The following ST18 variants were observed in gnomAD, a reference collection of about 807,000 sequenced individuals.
ST18 encodes the protein suppression of tumorigenicity 18 protein.
ST18 carries 50 observed loss-of-function variants against 110.0 expected under a neutral mutation model. That is an observed-to-expected ratio of 0.45 (90% CI 0.36 to 0.58). ST18 has a LOEUF of 0.58. Ranked by LOEUF, ST18 falls within the 20% of genes least tolerant of loss-of-function variation. The probability of loss-of-function intolerance (pLI) is 0.00; values close to 1 mark genes in which losing one functional copy is unlikely to be tolerated. For missense variants in ST18, 1,306 were observed against 1,280.1 expected (o/e 1.02, Z -0.31); for synonymous variants, 461 against 452.4 (o/e 1.02, Z -0.24).
chr8:52,381,472 C>T (rs1041043062), intron 2 of ST18, among the ~76,000 whole-genome samples: 1 of 152,184 alleles, frequency 6.6e-6, no homozygotes, highest in African/African-American at 2.4e-5. Context: ...CAAGACCTAA[C>T]AAATACTTCA....
At position 52,232,014 on chromosome 8, in the gene ST18, A is replaced by G. The variant is rs1013176877; in HGVS notation, c.-464-1937T>C. Among the ~76,000 whole-genome samples the G allele has an allele frequency of 3.9e-5, 6 of 152,210 alleles. No homozygotes were observed. The East Asian group carries it at 1.2e-3, about 29-fold the overall frequency. The stretch of plus-strand genomic sequence containing the variant: ...AAGTTCCCAGATGATGTTGGTGCTG[A>G]TAAGTTTGTGGACCATACTTGGAAA... On this transcript the variant is annotated intron_variant, in intron 2 of 25. Transcript: ENST00000689386.
At chr8:52,393,273 G>T (rs1463290390) in intron 2 of ST18, among the ~76,000 whole-genome samples, 1 of 152,088 alleles carries the variant, frequency 6.6e-6, no homozygotes, top group Non-Finnish European at 1.5e-5. Context: ...TGTCATTTTT[G>T]GAAAACATAG....
At chr8:52,168,950 C>A (rs150754646) in intron 10 of ST18, among the ~76,000 whole-genome samples, 1 of 152,246 alleles carries the variant, frequency 6.6e-6, no homozygotes, top group African/African-American at 2.4e-5. Context: ...CGATGCCCTT[C>A]CTCTCTTGGA....
chr8:52,250,100 G>A (rs1354809204), intron 2 of ST18, among the ~76,000 whole-genome samples: 1 of 151,864 alleles, frequency 6.6e-6, no homozygotes, highest in Admixed American at 6.6e-5. Flanking sequence ...TATGAATGAC[G>A]ACAGCTGTCC....
chr8:52,342,590 C>A (rs538831288), intron 2 of ST18, among the ~76,000 whole-genome samples: 1 of 152,322 alleles, frequency 6.6e-6, no homozygotes, highest in East Asian at 1.9e-4. Context: ...AGCTGGGCAG[C>A]ACATATCAAA....
At chr8:52,191,261 T>C (rs10095325) in intron 8 of ST18, among the ~76,000 whole-genome samples, 33,887 of 152,172 alleles carry the variant, frequency 0.22, 7,104 homozygotes, top group African/African-American at 0.55. Flanking sequence ...CACAGGGGAC[T>C]GGAGCAAGGC....
chr8:52,218,554 ATTTTTT>A (rs745791743), intron 5 of ST18, among the ~76,000 whole-genome samples: 4 of 100,890 alleles, frequency 4.0e-5, no homozygotes, highest in Admixed American at 1.1e-4. Flanking sequence ...TGCCTGGCTA[ATTTTTT>A]TTTTTTTTTT....
chr8:52,255,341 T>C (rs1311058225), intron 2 of ST18, among the ~76,000 whole-genome samples: 2 of 152,140 alleles, frequency 1.3e-5, no homozygotes, highest in African/African-American at 2.4e-5. Context: ...CCACTCCTAA[T>C]AGTATTTTTA....
chr8:52,291,294 C>G (rs1443197568), intron 2 of ST18, among the ~76,000 whole-genome samples: 1 of 152,222 alleles, frequency 6.6e-6, no homozygotes, highest in African/African-American at 2.4e-5. Context: ...TGAGCTGCGC[C>G]CACACGATGC....
At chr8:52,294,653 A>G (rs1370072533) in intron 2 of ST18, 1 of 152,272 alleles carries the variant, frequency 6.6e-6, no homozygotes, top group Non-Finnish European at 1.5e-5. Flanking sequence ...TGCTCATACA[A>G]AAGCCAATAA....
intron 2 of ST18, among the ~76,000 whole-genome samples, chr8:52,400,045 C>T (rs1842400129): frequency 6.6e-6 from 1 of 152,006 alleles, no homozygotes; most frequent in Admixed American, 6.6e-5. Context: ...CTATCTAGTT[C>T]TTCATTCATG....
At chr8:52,324,461 G>A (rs1171701576) in intron 2 of ST18, among the ~76,000 whole-genome samples, 1 of 152,104 alleles carries the variant, frequency 6.6e-6, no homozygotes, top group Non-Finnish European at 1.5e-5. Flanking sequence ...GTTTCACAGA[G>A]GAGGGGCCTA....
chr8:52,324,302 G>T (rs1023025624), intron 2 of ST18, among the ~76,000 whole-genome samples: 2 of 118,590 alleles, frequency 1.7e-5, no homozygotes, highest in African/African-American at 7.9e-5. Context: ...GTTGATAGAT[G>T]ATGGATGGAT....
At chr8:52,172,710 C>T (rs1389563402) in intron 9 of ST18, 127 bp from the exon 10 acceptor site, 1 of 638,132 alleles carries the variant, frequency 1.6e-6, no homozygotes, top group Non-Finnish European at 2.6e-6. Flanking sequence ...CATATATGTA[C>T]ACATATACAT....
chr8:52,211,377 AATTATTATTATTATT>A (rs3054637), intron 8 of ST18, among the ~76,000 whole-genome samples: 14 of 138,444 alleles, frequency 1.0e-4, no homozygotes, highest in South Asian at 2.4e-4. Flanking sequence ...GGAATCATCT[AATTATTATTATTATT>A]ATTATTATTA....
chr8:52,193,077 G>T (rs1436074601), intron 8 of ST18, among the ~76,000 whole-genome samples: 1 of 152,172 alleles, frequency 6.6e-6, no homozygotes, highest in Non-Finnish European at 1.5e-5. Context: ...AGCAGGCAGA[G>T]AATCTGAAGG....
At chr8:52,140,543 T>C (rs568906425) in intron 17 of ST18, among the ~76,000 whole-genome samples, 20 of 126,748 alleles carry the variant, frequency 1.6e-4, no homozygotes, top group Admixed American at 4.4e-4. Context: ...AGATAGATGA[T>C]AGATGATAGA....
At chr8:52,338,199 C>T (rs1049386351) in intron 2 of ST18, among the ~76,000 whole-genome samples, 4 of 152,126 alleles carry the variant, frequency 2.6e-5, no homozygotes, top group Non-Finnish European at 5.9e-5. Flanking sequence ...GCTGGGATTA[C>T]AGGCATGTGC....
intron 17 of ST18, among the ~76,000 whole-genome samples, chr8:52,138,237 G>A (rs2053320916): frequency 6.6e-6 from 1 of 152,122 alleles, no homozygotes; most frequent in Non-Finnish European, 1.5e-5. Context: ...AAATTTTTGT[G>A]AGTTTTTAAG....
Sources: allele counts gnomAD v4.1 joint callset (sites outside exome capture counted in the v4.1 genomes callset), GRCh38; gene constraint gnomAD v4.1.1; transcripts MANE v1.5; gene names NCBI Gene and HGNC (gene_info 2026-07-23, HGNC 2026-07-21).